Variants in MYO16 observed in about 807,000 individuals in gnomAD.
MYO16 encodes the protein myosin XVI, also known as unconventional myosin-XVI.
A neutral mutation model predicts 205.3 loss-of-function variants in MYO16; 94 were observed. The ratio of observed to expected loss-of-function variants is 0.46; its 90% CI spans 0.39 to 0.54. MYO16 has a LOEUF of 0.54. Among genes scored for constraint, MYO16 ranks in the 20% least tolerant of loss-of-function variants. The pLI is 0.00. For missense variants in MYO16, 2,315 were observed against 2,387.5 expected (o/e 0.97, Z 0.63); for synonymous variants, 988 against 954.0 (o/e 1.04, Z -0.66).
In MYO16 at chr13:109,070,229, A is replaced by G. The variant is rs377415840; in HGVS notation, c.3335+14634A>G. Among the ~76,000 whole-genome samples, 4 of 152,282 alleles carry G rather than the reference A, an allele frequency of 2.6e-5. No individual in the cohort carries two copies. In the South Asian group the frequency reaches 8.3e-4, roughly 32 times the overall value. On this transcript the variant is annotated intron_variant, in intron 27 of 34. Transcript: ENST00000457511. Reference sequence around the variant, plus strand: ...AGTCATCCTATCTTTATACTGCTCCATCTTCCCATAAGTCTCATTGGATTT... The same window carrying G: ...AGTCATCCTATCTTTATACTGCTCCGTCTTCCCATAAGTCTCATTGGATTT...
At chr13:109,023,245 TATATATTTATATATTATA>T (rs1886164446) in intron 23 of MYO16, among the ~76,000 whole-genome samples, 6 of 105,830 alleles carry the variant, frequency 5.7e-5, no homozygotes, top group Non-Finnish European at 7.0e-5. Flanking sequence ...GATATAAATA[TATATATTTATATATTATA>T]CAGATATAAA....
the MYO16 span, among the ~76,000 whole-genome samples, chr13:108,505,305 T>A: frequency 6.6e-6 from 1 of 152,212 alleles, no homozygotes; most frequent in Non-Finnish European, 1.5e-5. Context: ...TTTCTCCATA[T>A]CCTCACCAGC....
At chr13:109,033,605 A>G (rs904365530) in intron 23 of MYO16, among the ~76,000 whole-genome samples, 1 of 152,212 alleles carries the variant, frequency 6.6e-6, no homozygotes, top group African/African-American at 2.4e-5. Flanking sequence ...AATAAACTGT[A>G]CTAAATTTTC....
At position 108,972,351 on chromosome 13, in the gene MYO16, CATATATATATATATATATAT is replaced by C. The variant is rs869041443; in HGVS notation, c.2369+7477_2369+7496del. 6.1e-3 allele frequency among the ~76,000 whole-genome samples: 106 copies of C among 17,450 alleles called. 27 individuals carry two copies. The East Asian group carries it at 0.16, about 26-fold the overall frequency. 11.4% of individuals were successfully genotyped at this position (17,450 alleles called of 152,430 possible). On this transcript the variant is annotated intron_variant, in intron 20 of 34. Transcript: ENST00000457511. ...CCATCTATATATATATATATATAGC[CATATATATATATATATATAT>C]ATATATATATATATATATATATATA... is the stretch of plus-strand genomic sequence containing the variant.
chr13:108,728,089 C>T (rs1884401433), intron 4 of MYO16, among the ~76,000 whole-genome samples: 1 of 152,006 alleles, frequency 6.6e-6, no homozygotes, highest in Non-Finnish European at 1.5e-5. Flanking sequence ...AGACGTTGAT[C>T]CTCACACATA....
In MYO16 at chr13:108,666,101, C is replaced by T. The variant is rs1007324435; in HGVS notation, c.244C>T (p.Leu82Phe). 6.2e-7 allele frequency: 1 copy of T among 1,613,798 alleles called. No individual in the cohort carries two copies. Among genetic ancestry groups the T allele is most frequent in the Non-Finnish European group, 8.5e-7 (1 of 1,179,866 alleles). Residue 82 changes from leucine (L) to phenylalanine (F), a missense_variant, in exon 2 of 35, where the codon CTC becomes TTC. By Grantham distance (22) the Leu-to-Phe change is conservative. This residue lies in a region of MYO16 where 1,213 missense variants were observed against 1,274.4 expected (regional missense o/e 0.95). Transcript: ENST00000457511. ...HAKNPKVHFN[L>F]TDMLQDAIIH... ...GAAGAATCCGAAAGTTCACTTCAAC[C>T]TCACGGACATGCTACAGGACGCGAT...
intron 25 of MYO16, among the ~76,000 whole-genome samples, chr13:109,053,140 T>C (rs1389971031): frequency 6.6e-6 from 1 of 152,132 alleles, no homozygotes; most frequent in African/African-American, 2.4e-5. Flanking sequence ...GTTTTGCTTA[T>C]GTCTACCAAA....
chr13:108,824,816 A>G (rs1285793888), intron 9 of MYO16, among the ~76,000 whole-genome samples: 11 of 152,112 alleles, frequency 7.2e-5, no homozygotes. Flanking sequence ...CCTAGATGAA[A>G]TTGATGAATT....
the MYO16 span, among the ~76,000 whole-genome samples, chr13:108,581,431 C>T: frequency 2.0e-5 from 3 of 152,084 alleles, no homozygotes; most frequent in Non-Finnish European, 1.5e-5. Flanking sequence ...CAAGGATGTT[C>T]GCCAATAATT....
chr13:109,146,511 G>T (rs1032286262), intron 32 of MYO16, among the ~76,000 whole-genome samples: 1 of 152,128 alleles, frequency 6.6e-6, no homozygotes, highest in Non-Finnish European at 1.5e-5. Flanking sequence ...AGCCAGGCAT[G>T]GTGGTTCATG....
the MYO16 span, among the ~76,000 whole-genome samples, chr13:108,567,163 G>C: frequency 6.6e-6 from 1 of 152,162 alleles, no homozygotes; most frequent in Non-Finnish European, 1.5e-5. Flanking sequence ...AAAAGGTTTG[G>C]AGGATATTGA....
At chr13:108,705,805 CA>C (rs1455147536) in intron 2 of MYO16, among the ~76,000 whole-genome samples, 6 of 152,058 alleles carry the variant, frequency 3.9e-5, no homozygotes, top group Non-Finnish European at 8.8e-5. Context: ...TAGAAAGACA[CA>C]AATCATGATA....
chr13:108,712,025 C>T (rs1883743024), intron 2 of MYO16, among the ~76,000 whole-genome samples: 1 of 152,200 alleles, frequency 6.6e-6, no homozygotes, highest in Non-Finnish European at 1.5e-5. Context: ...TCTTAATACT[C>T]TGTGGCATTC....
chr13:108,626,931 AAT>A (rs1879762906), upstream of MYO16, among the ~76,000 whole-genome samples: 1 of 146,574 alleles, frequency 6.8e-6, no homozygotes, highest in African/African-American at 2.5e-5. Context: ...AGCTATATAT[AAT>A]ATATATAAAA....
intron 1 of MYO16, among the ~76,000 whole-genome samples, chr13:108,665,635 T>C (rs1355951215): frequency 1.3e-5 from 2 of 152,182 alleles, no homozygotes. Context: ...TGGTTAGTAA[T>C]TGTGTTGAGC....
At chr13:108,863,612 A>T (rs1425257884) in intron 11 of MYO16, among the ~76,000 whole-genome samples, 6 of 152,082 alleles carry the variant, frequency 3.9e-5, no homozygotes, top group Non-Finnish European at 8.8e-5. Flanking sequence ...TAGGATTTTT[A>T]CATGTATTTT....
Position 108,961,593 on chromosome 13 carries a change from C to T in MYO16, c.2092C>T (p.Arg698Trp), listed in dbSNP as rs769376841. 4 of 1,614,130 alleles carry T rather than the reference C, an allele frequency of 2.5e-6. No individual in the cohort carries two copies. The highest frequency in any genetic ancestry group is 2.2e-5 in the East Asian group (1 of 44,872). Residue 698 changes from arginine to tryptophan, a missense_variant, in exon 18 of 35, where the codon CGG (arginine) becomes TGG (tryptophan). Arg to Trp is a moderately radical substitution (Grantham distance 101, BLOSUM62 -3). Transcript: ENST00000457511. ...LAAILHLGDI[R>W]FTALNEGNSA... ...AGCAATATTGCACCTTGGAGACATT[C>T]GGTTTACTGCCCTGAATGAGGGGAA... is the stretch of plus-strand genomic sequence containing the variant.
At chr13:108,834,796 CT>C (rs35680728) in intron 9 of MYO16, among the ~76,000 whole-genome samples, 93,997 of 151,586 alleles carry the variant, frequency 0.62, 29,942 homozygotes, top group Middle Eastern at 0.72. Context: ...AAAATTATTT[CT>C]TTTTTTTAAC....
chr13:109,118,057 C>A (rs1875811373), intron 28 of MYO16, among the ~76,000 whole-genome samples: 1 of 152,146 alleles, frequency 6.6e-6, no homozygotes, highest in Non-Finnish European at 1.5e-5. Context: ...ATGCTAGTTT[C>A]TCTGTCTCAC....
Sources: gnomAD v4.1 joint callset for allele counts (sites outside exome capture counted in the v4.1 genomes callset) on GRCh38, gnomAD v4.1.1 for gene constraint, gnomAD v4.1.1 regional missense constraint, MANE v1.5 for transcripts, NCBI Gene and HGNC (gene_info 2026-07-23, HGNC 2026-07-21) for gene names.